Variants in CD109 observed in about 807,000 individuals in gnomAD.
The protein encoded by CD109 is CD109 molecule.
A neutral mutation model predicts 165.8 loss-of-function variants in CD109; 149 were observed. That is an observed-to-expected ratio of 0.90 (90% CI 0.79 to 1.03). The LOEUF (loss-of-function observed/expected upper bound fraction) is 1.03. Ranked by LOEUF, CD109 falls within the 50% of genes least tolerant of loss-of-function variation. The probability of loss-of-function intolerance (pLI) is 0.00; values close to 1 mark genes in which losing one functional copy is unlikely to be tolerated. For synonymous variants in CD109, 585 were observed against 592.1 expected, an observed-to-expected ratio of 0.99 and a Z score of 0.18; for missense variants, 1,712 against 1,677.8, an observed-to-expected ratio of 1.02 and a Z score of -0.36.
Position 73,810,155 on chromosome 6 carries a change from G to T in CD109, c.3527G>T (p.Gly1176Val). The change falls in exon 27 of 33, where the codon GGT (glycine) becomes GTT (valine). Residue 1176 changes from glycine (G) to valine (V), a missense_variant. Gly to Val is a moderately radical substitution (Grantham distance 109). Transcript: ENST00000287097. ...CTAAGCAGGCAAAGAAATAGCTTGGGTGGTTTTGCATCTACTCAGGTGAGA... is the reference window on the plus strand; with the variant it reads ...CTAAGCAGGCAAAGAAATAGCTTGGTTGGTTTTGCATCTACTCAGGTGAGA... ...RWLSRQRNSL[G>V]GFASTQDTTV... 1 of 1,598,988 alleles carries T rather than the reference G, an allele frequency of 6.3e-7. No individual in the cohort carries two copies. The highest frequency in any genetic ancestry group is 8.5e-7 in the Non-Finnish European group (1 of 1,175,058).
At chr6:73,696,195 GC>G, upstream of CD109, 1 of 1,544,186 alleles carries the variant, frequency 6.5e-7, no homozygotes. Context: ...GCGGACTGTA[GC>G]CCAGGCAGAC....
In CD109 at chr6:73,812,199, A is replaced by G. The variant is rs1775779952; in HGVS notation, c.3703-6A>G. The G allele has an allele frequency of 6.2e-7, 1 of 1,603,222 alleles. No individual in the cohort carries two copies. The highest frequency in any genetic ancestry group is 8.5e-7 in the Non-Finnish European group (1 of 1,173,352). ...GCCTCATTCACTTTTTTTCACCTTG[A>G]TTCAGCTTGCTGTGGTACAGCCAAC... On this transcript the variant is annotated splice_region_variant and splice_polypyrimidine_tract_variant and intron_variant, in intron 28 of 32. Transcript: ENST00000287097.
At chr6:73,757,334 T>C (rs1261734012) in intron 6 of CD109, among the ~76,000 whole-genome samples, 1 of 152,236 alleles carries the variant, frequency 6.6e-6, no homozygotes, top group Non-Finnish European at 1.5e-5. Context: ...GGGCCATATG[T>C]CTCTGTTGTT....
At chr6:73,819,007 G>A (rs368831019) in intron 31 of CD109, among the ~76,000 whole-genome samples, 1 of 152,076 alleles carries the variant, frequency 6.6e-6, no homozygotes, top group African/African-American at 2.4e-5. Flanking sequence ...AATTTCATGA[G>A]AATTTTTTGT....
At chr6:73,785,199 G>A (rs778870006) in intron 19 of CD109, among the ~76,000 whole-genome samples, 165 bp from the exon 20 acceptor site, 9 of 152,110 alleles carry the variant, frequency 5.9e-5, no homozygotes, top group Admixed American at 2.0e-4. Flanking sequence ...TCAATTTGCC[G>A]TCATTCATTT....
At chr6:73,692,612 C>T (rs983087984), upstream of CD109, among the ~76,000 whole-genome samples, 1 of 151,868 alleles carries the variant, frequency 6.6e-6, no homozygotes, top group African/African-American at 2.4e-5. Context: ...ACAGACTTCC[C>T]CTCTGATATG....
chr6:73,697,371 T>C, intron 1 of CD109, 29 bp from the exon 2 acceptor site: 2 of 1,603,154 alleles, frequency 1.2e-6, no homozygotes, highest in Non-Finnish European at 1.7e-6. Flanking sequence ...ATAAGAAACT[T>C]TGTTTTTCCC....
intron 5 of CD109, among the ~76,000 whole-genome samples, chr6:73,747,477 G>A (rs995757781): frequency 2.6e-5 from 4 of 152,138 alleles, no homozygotes; most frequent in Admixed American, 2.6e-4. Context: ...CACATTGCAA[G>A]TTTGGTTTTA....
At chr6:73,707,277 C>T (rs1771312337) in intron 2 of CD109, among the ~76,000 whole-genome samples, 3 of 152,062 alleles carry the variant, frequency 2.0e-5, no homozygotes, top group Admixed American at 2.0e-4. Flanking sequence ...ATTTATGGAT[C>T]AGTTGAAGAG....
chr6:73,720,358 G>GAAAGGAAT (rs1194559131), intron 2 of CD109, among the ~76,000 whole-genome samples: 80 of 152,258 alleles, frequency 5.3e-4, no homozygotes, highest in African/African-American at 1.9e-3. Flanking sequence ...TACCAGAAGT[G>GAAAGGAAT]AAAGGAATGG....
chr6:73,782,470 C>T, intron 17 of CD109, 144 bp from the exon 18 acceptor site: 1 of 691,690 alleles, frequency 1.4e-6, no homozygotes, highest in Admixed American at 2.9e-5. Flanking sequence ...TACCTTTTCA[C>T]TGTAACAGAA....
At chr6:73,745,835 T>C (rs1438544527) in intron 5 of CD109, among the ~76,000 whole-genome samples, 1 of 152,188 alleles carries the variant, frequency 6.6e-6, no homozygotes, top group Non-Finnish European at 1.5e-5. Flanking sequence ...TTCAAGCGAT[T>C]CACCTGCCTC....
At chr6:73,785,791 C>T (rs191438619) in intron 20 of CD109, among the ~76,000 whole-genome samples, 124 of 152,018 alleles carry the variant, frequency 8.2e-4, no homozygotes, top group Middle Eastern at 3.4e-3. Flanking sequence ...TGGTTTTCCC[C>T]ACATCTAGAA....
At chr6:73,785,878 T>A (rs1387619675) in intron 20 of CD109, among the ~76,000 whole-genome samples, 1 of 151,002 alleles carries the variant, frequency 6.6e-6, no homozygotes, top group African/African-American at 2.4e-5. Flanking sequence ...ATGGTCTTGC[T>A]CTGTTGCCCA....
intron 2 of CD109, among the ~76,000 whole-genome samples, chr6:73,700,252 AT>A (rs34683764): frequency 0.57 from 83,660 of 147,068 alleles, 24,128 homozygotes; most frequent in South Asian, 0.67. Context: ...TAGGTTTAAA[AT>A]TTTTTTTTTT....
intron 15 of CD109, among the ~76,000 whole-genome samples, chr6:73,779,882 A>C (rs1490851090): frequency 1.3e-5 from 2 of 152,122 alleles, no homozygotes; most frequent in African/African-American, 4.8e-5. Flanking sequence ...AATGGGGTAC[A>C]TGCAAATATC....
chr6:73,741,155 TTATAATGTTTAAGACCTC>T (rs976365882), intron 5 of CD109, among the ~76,000 whole-genome samples: 2 of 152,188 alleles, frequency 1.3e-5, no homozygotes, highest in Non-Finnish European at 2.9e-5. Context: ...CTCTTGATGA[TTATAATGTTTAAGACCTC>T]TTAAAATCAG....
Position 73,766,022 on chromosome 6 carries a change from G to T in CD109, c.1200G>T (p.Glu400Asp). Residue 400 changes from glutamate to aspartate, a missense_variant, in exon 11 of 33, where the codon GAG becomes GAT. By Grantham distance (45) the Glu-to-Asp change is conservative (BLOSUM62 2). Coordinates refer to ENST00000287097, the MANE Select transcript of CD109 (RefSeq NM_133493.5). ...VITVTQRNYTEYWSGSNSGNQ... is the reference protein window; with the variant it reads ...VITVTQRNYTDYWSGSNSGNQ... ...CAGTGACACAGAGAAACTATACTGAGTACTGGAGCGGATCTAACAGTGGAA... is the reference window on the plus strand; with the variant it reads ...CAGTGACACAGAGAAACTATACTGATTACTGGAGCGGATCTAACAGTGGAA... 4 of 1,613,836 alleles carry T rather than the reference G, an allele frequency of 2.5e-6. No homozygotes were observed. The highest frequency in any genetic ancestry group is 2.5e-6 in the Non-Finnish European group (3 of 1,179,748).
intron 17 of CD109, 132 bp downstream of exon 17, chr6:73,781,451 TG>T: frequency 2.7e-6 from 2 of 736,180 alleles, no homozygotes; most frequent in Non-Finnish European, 4.5e-6. Flanking sequence ...TCTCCCAAAA[TG>T]TTTGGAGTTT....
Sources: allele counts gnomAD v4.1 joint callset (sites outside exome capture counted in the v4.1 genomes callset), GRCh38; gene constraint gnomAD v4.1.1; transcripts MANE v1.5; gene names NCBI Gene and HGNC (gene_info 2026-07-23, HGNC 2026-07-21).